The following DCAF8L2 variants were observed in gnomAD, a reference collection of about 807,000 sequenced individuals.
DCAF8L2 encodes the protein DDB1- and CUL4-associated factor 8-like protein 2.
For synonymous variants in DCAF8L2, 200 were observed against 190.9 expected, an observed-to-expected ratio of 1.05 and a Z score of -0.39; for missense variants, 430 against 490.7, an observed-to-expected ratio of 0.88 and a Z score of 1.17.
the DCAF8L2 span, among the ~76,000 whole-genome samples, chrX:27,545,020 A>G: frequency 0.17 from 18,561 of 111,712 alleles, 1,236 homozygotes; most frequent in East Asian, 0.36. Flanking sequence ...GCAGTTTAAA[A>G]TCTCTGTCTC....
the DCAF8L2 span, among the ~76,000 whole-genome samples, chrX:27,472,583 C>T: frequency 9.0e-6 from 1 of 111,003 alleles, no homozygotes; most frequent in South Asian, 3.9e-4. Context: ...TGATGTTCCC[C>T]TCCCTGTATC....
At chrX:27,518,421 T>C in the DCAF8L2 span, 7 of 601,382 alleles carry the variant, frequency 1.2e-5, no homozygotes, top group African/African-American at 4.4e-5. Flanking sequence ...TCTAGAAATA[T>C]ATGGTGTCAA....
intron 1 of DCAF8L2, among the ~76,000 whole-genome samples, chrX:27,622,305 T>G (rs6630526): frequency 0.068 from 6,383 of 93,207 alleles, 1,100 homozygotes; most frequent in African/African-American, 0.28. Context: ...GACACCTGTA[T>G]TCCTAGCTAC....
chrX:27,656,090 A>G (rs1929340382), intron 2 of DCAF8L2, among the ~76,000 whole-genome samples: 1 of 111,562 alleles, frequency 9.0e-6, no homozygotes, highest in Non-Finnish European at 1.9e-5. Flanking sequence ...TTGTGGAAGA[A>G]TATGTAGGAG....
intron 1 of DCAF8L2, among the ~76,000 whole-genome samples, chrX:27,621,196 G>C (rs1243061152): frequency 9.0e-6 from 1 of 111,468 alleles, no homozygotes; most frequent in Non-Finnish European, 1.9e-5. Flanking sequence ...TTTTTAATGT[G>C]TGGAGAGTAG....
chrX:27,547,490 T>A, the DCAF8L2 span, among the ~76,000 whole-genome samples: 11 of 110,286 alleles, frequency 1.0e-4, no homozygotes, highest in East Asian at 2.9e-3. Flanking sequence ...AAGAAAAGAG[T>A]TTTAATTGGC....
At chrX:27,607,905 T>C (rs970043134) in intron 1 of DCAF8L2, among the ~76,000 whole-genome samples, 12 of 111,893 alleles carry the variant, frequency 1.1e-4, no homozygotes, top group African/African-American at 3.2e-4. Context: ...TAATGGATTA[T>C]GAAATTGACT....
the DCAF8L2 span, among the ~76,000 whole-genome samples, chrX:27,494,003 T>G: frequency 8.9e-6 from 1 of 111,871 alleles, no homozygotes; most frequent in Non-Finnish European, 1.9e-5. Context: ...ATTCACCAGT[T>G]GAAGGACATC....
chrX:27,704,426 CAT>C (rs1478380571), intron 3 of DCAF8L2, among the ~76,000 whole-genome samples: 1 of 108,513 alleles, frequency 9.2e-6, no homozygotes, highest in Non-Finnish European at 1.9e-5. Flanking sequence ...CAGAAAGAAA[CAT>C]AGTGTATTAT....
At chrX:27,571,609 T>A in the DCAF8L2 span, among the ~76,000 whole-genome samples, 2 of 111,935 alleles carry the variant, frequency 1.8e-5, no homozygotes, top group African/African-American at 6.5e-5. Context: ...AGGTCAAGTA[T>A]AGATTTCCTC....
At chrX:27,535,933 G>T in the DCAF8L2 span, among the ~76,000 whole-genome samples, 9 of 111,113 alleles carry the variant, frequency 8.1e-5, no homozygotes, top group African/African-American at 2.9e-4. Context: ...GTAATATTTT[G>T]AACTGTAGAA....
At chrX:27,565,633 C>T in the DCAF8L2 span, among the ~76,000 whole-genome samples, 1 of 111,183 alleles carries the variant, frequency 9.0e-6, no homozygotes, top group African/African-American at 3.3e-5. Context: ...GGTATTAATT[C>T]TTCTTTAAGT....
At chrX:27,469,300 G>T in the DCAF8L2 span, among the ~76,000 whole-genome samples, 4 of 111,463 alleles carry the variant, frequency 3.6e-5, no homozygotes, top group South Asian at 1.1e-3. Context: ...TATTTGAATA[G>T]ACTATGTTAC....
chrX:27,487,308 G>A, the DCAF8L2 span, among the ~76,000 whole-genome samples: 1 of 111,483 alleles, frequency 9.0e-6, no homozygotes, highest in South Asian at 3.8e-4. Context: ...TTGAGACGGA[G>A]TCTTGCTCCG....
At chrX:27,654,485 A>G (rs1929274831) in intron 2 of DCAF8L2, among the ~76,000 whole-genome samples, 1 of 112,263 alleles carries the variant, frequency 8.9e-6, no homozygotes, top group South Asian at 3.6e-4. Context: ...GAAAATGACT[A>G]CATGTTAGCA....
intron 3 of DCAF8L2, among the ~76,000 whole-genome samples, chrX:27,687,329 G>T (rs1031323291): frequency 1.8e-5 from 2 of 111,621 alleles, no homozygotes; most frequent in Non-Finnish European, 1.9e-5. Flanking sequence ...AAGCAATTAG[G>T]GGGGAAAACC....
At chrX:27,555,408 C>T in the DCAF8L2 span, among the ~76,000 whole-genome samples, 2 of 111,667 alleles carry the variant, frequency 1.8e-5, no homozygotes, top group East Asian at 5.7e-4. Flanking sequence ...TGACATTGGC[C>T]TTTTCAAATG....
Position 27,599,817 on chromosome X carries a change from T to A in DCAF8L2, c.-342+9377T>A, listed in dbSNP as rs112191323. 7.0e-3 allele frequency among the ~76,000 whole-genome samples: 784 copies of A among 111,941 alleles called. 2 individuals carry two copies. The highest frequency in any genetic ancestry group is 0.024 in the African/African-American group (731 of 30,905). On this transcript the variant is annotated intron_variant, in intron 1 of 4. Transcript: ENST00000451261. ...TCAAGAATTATATGAAACAATTCAT[T>A]ATTATACAAATTGCTACAATGAAAC...
chrX:27,475,567 T>C, the DCAF8L2 span, among the ~76,000 whole-genome samples: 1 of 111,753 alleles, frequency 8.9e-6, no homozygotes, highest in Non-Finnish European at 1.9e-5. Flanking sequence ...AGTGTGTCGC[T>C]TGAACAGGTC....
Sources: allele counts gnomAD v4.1 joint callset (sites outside exome capture counted in the v4.1 genomes callset), GRCh38; gene constraint gnomAD v4.1.1; transcripts MANE v1.5; gene names NCBI Gene and HGNC (gene_info 2026-07-23, HGNC 2026-07-21).